Variants in SLCO2A1 observed in about 807,000 individuals in gnomAD.
SLCO2A1 encodes the protein solute carrier organic anion transporter family member 2A1.
SLCO2A1 carries 60 observed loss-of-function variants against 71.7 expected under a neutral mutation model. The ratio of observed to expected loss-of-function variants is 0.84; its 90% CI spans 0.68 to 1.04. The LOEUF is 1.04. SLCO2A1 is among the 50% of genes least tolerant of loss of function. SLCO2A1 has a pLI of 0.00. For synonymous variants in SLCO2A1, 308 were observed against 326.7 expected (o/e 0.94, Z 0.62); for missense variants, 745 against 813.4 (o/e 0.92, Z 1.02).
At chr3:133,947,117 G>A (rs1933598335) in intron 9 of SLCO2A1, 139 bp downstream of exon 9, 2 of 680,440 alleles carry the variant, frequency 2.9e-6, no homozygotes. Context: ...CTGGGTGACG[G>A]AGCGAGACTC....
At chr3:133,938,306 G>A (rs912022365) in intron 12 of SLCO2A1, 123 bp downstream of exon 12, 3 of 880,866 alleles carry the variant, frequency 3.4e-6, no homozygotes, top group Admixed American at 1.8e-5. Flanking sequence ...TGTTGATTAT[G>A]CACAGCTTCT....
chr3:133,970,576 T>G (rs1206050223), intron 3 of SLCO2A1, among the ~76,000 whole-genome samples: 3 of 152,254 alleles, frequency 2.0e-5, no homozygotes, highest in Non-Finnish European at 4.4e-5. Flanking sequence ...ACTCACGTGG[T>G]GCACTGGCAC....
rs1345912923 is a variant in SLCO2A1, at chr3:133,935,784, G to C, written c.1804C>G (p.Leu602Val). The C allele has an allele frequency of 6.2e-7, 1 of 1,604,566 alleles. No individual in the cohort carries two copies. The highest frequency in any genetic ancestry group is 2.2e-5 in the East Asian group (1 of 44,740). ...ATGATGGGCCCTCACCTGTCTCGGA[G>C]AGCATCGTTGTCATAGTAGGCGCAG... ...GACAYYDNDA[L>V]RDRYLGLQMG... The change falls in exon 13 of 14, where the codon CTC becomes GTC. Residue 602 changes from leucine (L) to valine (V), a missense_variant. Physicochemically the swap from Leu to Val is conservative, Grantham distance 32. Transcript: ENST00000310926.
At chr3:134,001,485 G>A (rs1181545627) in intron 1 of SLCO2A1, among the ~76,000 whole-genome samples, 1 of 152,104 alleles carries the variant, frequency 6.6e-6, no homozygotes, top group Non-Finnish European at 1.5e-5. Context: ...CTCAACAGAG[G>A]GCTGGCTGCT....
At chr3:133,979,354 G>C (rs1434719955) in intron 2 of SLCO2A1, 127 bp downstream of exon 2, 2 of 1,215,888 alleles carry the variant, frequency 1.6e-6, no homozygotes, top group African/African-American at 3.0e-5. Context: ...TTCGTTTGCT[G>C]TTACCCGGCA....
At chr3:133,941,815 C>A (rs867921457) in intron 11 of SLCO2A1, among the ~76,000 whole-genome samples, 5 of 152,220 alleles carry the variant, frequency 3.3e-5, no homozygotes, top group Middle Eastern at 3.4e-3. Flanking sequence ...AAACTTTCCA[C>A]GTTTTCCTGC....
intron 3 of SLCO2A1, among the ~76,000 whole-genome samples, chr3:133,973,304 C>T (rs183222510): frequency 6.6e-5 from 10 of 152,310 alleles, no homozygotes; most frequent in Admixed American, 3.3e-4. Flanking sequence ...ACAAATGTCA[C>T]GAAGTGCTAT....
chr3:134,019,314 T>A (rs548718377), intron 1 of SLCO2A1, among the ~76,000 whole-genome samples: 97 of 152,198 alleles, frequency 6.4e-4, no homozygotes, highest in Non-Finnish European at 1.1e-3. Flanking sequence ...GTAATGAGGA[T>A]TAAATATAGA....
Position 133,942,721 on chromosome 3 carries a change from C to A in SLCO2A1, c.1509G>T (p.Lys503Asn), listed in dbSNP as rs200364668. The change falls in exon 11 of 14, where the codon AAG (lysine) becomes AAT (asparagine). Residue 503 changes from lysine to asparagine, a missense_variant. Coordinates refer to ENST00000310926, the MANE Select transcript of SLCO2A1 (RefSeq NM_005630.3). The part of the protein sequence containing the change: ...SCVTGGSASA[K>N]TGSCPVPCAH... ...CACAGGGGACAGGGCACGATCCTGT[C>A]TTTGCTGAAGCGGATCCCCCGGTCA... 5.3e-5 allele frequency: 86 copies of A among 1,612,664 alleles called. 1 individual carries two copies. Among genetic ancestry groups the A allele is most frequent in the Middle Eastern group, 1.6e-4 (1 of 6,074 alleles).
chr3:133,978,058 G>GGCT (rs1460370972), intron 2 of SLCO2A1, among the ~76,000 whole-genome samples: 1 of 152,212 alleles, frequency 6.6e-6, no homozygotes, highest in African/African-American at 2.4e-5. Context: ...GACTTAGACA[G>GGCT]GCTGCAGGAC....
At chr3:134,020,322 C>A (rs1375595814) in intron 1 of SLCO2A1, among the ~76,000 whole-genome samples, 1 of 152,218 alleles carries the variant, frequency 6.6e-6, no homozygotes. Flanking sequence ...TTGTCTGCGG[C>A]TCATTCTGCT....
intron 1 of SLCO2A1, among the ~76,000 whole-genome samples, chr3:134,001,355 C>T (rs1935100205): frequency 6.6e-6 from 1 of 152,150 alleles, no homozygotes; most frequent in Non-Finnish European, 1.5e-5. Context: ...AGGTAATCCA[C>T]CCCCGTCAGC....
intron 1 of SLCO2A1, among the ~76,000 whole-genome samples, chr3:134,023,947 G>A (rs549739551): frequency 2.0e-5 from 3 of 152,152 alleles, no homozygotes; most frequent in Non-Finnish European, 4.4e-5. Flanking sequence ...GGCACCCTGC[G>A]GGTCAGCCCC....
rs1935340436 is a variant in SLCO2A1 at position 134,011,285 on chromosome 3, G to A, written c.96+18422C>T. On this transcript the variant is annotated intron_variant, in intron 1 of 13. Coordinates refer to ENST00000310926, the MANE Select transcript of SLCO2A1 (RefSeq NM_005630.3). The stretch of plus-strand genomic sequence containing the variant: ...AGGCTGGTCTTGAACTCCTGACCTT[G>A]TGATCCGCCCACCTTGGTCTCCCAA... 2.0e-5 allele frequency among the ~76,000 whole-genome samples: 3 copies of A among 152,294 alleles called. No individual in the cohort carries two copies. In the South Asian group the frequency reaches 6.2e-4, roughly 32 times the overall value.
At chr3:133,959,395 A>G (rs1354251214) in intron 3 of SLCO2A1, among the ~76,000 whole-genome samples, 2 of 145,924 alleles carry the variant, frequency 1.4e-5, no homozygotes, top group East Asian at 3.9e-4. Flanking sequence ...GATGGCTATT[A>G]CCAAAAAAAA....
At chr3:134,027,533 G>A (rs752378686) in intron 1 of SLCO2A1, among the ~76,000 whole-genome samples, 3 of 152,160 alleles carry the variant, frequency 2.0e-5, no homozygotes, top group Non-Finnish European at 2.9e-5. Flanking sequence ...TTGCTCACTC[G>A]GGGAGCTCAG....
chr3:134,020,566 G>A (rs879377317), intron 1 of SLCO2A1, among the ~76,000 whole-genome samples: 6 of 152,250 alleles, frequency 3.9e-5, no homozygotes, highest in Admixed American at 3.9e-4. Flanking sequence ...ACACCAGGAA[G>A]GTTTTCACCG....
At chr3:133,957,237 G>A (rs965853365) in intron 3 of SLCO2A1, among the ~76,000 whole-genome samples, 1 of 152,162 alleles carries the variant, frequency 6.6e-6, no homozygotes, top group Non-Finnish European at 1.5e-5. Context: ...AGCTAGGTGA[G>A]CCTAAGTCCC....
intron 1 of SLCO2A1, among the ~76,000 whole-genome samples, chr3:134,020,120 G>A (rs1327450556): frequency 6.6e-6 from 1 of 152,048 alleles, no homozygotes. Flanking sequence ...ACCGGTGCAT[G>A]CAGCCCCCAG....
Sources: allele counts gnomAD v4.1 joint callset (sites outside exome capture counted in the v4.1 genomes callset), GRCh38; gene constraint gnomAD v4.1.1; transcripts MANE v1.5; gene names NCBI Gene and HGNC (gene_info 2026-07-23, HGNC 2026-07-21).